Variants in SNTG1 observed in about 807,000 individuals in gnomAD.
SNTG1 encodes gamma-1-syntrophin.
Under a neutral mutation model 74.7 loss-of-function variants are expected in SNTG1, and 39 were observed. The ratio of observed to expected loss-of-function variants is 0.52; its 90% CI spans 0.40 to 0.68. SNTG1 has a LOEUF of 0.68. Among genes scored for constraint, SNTG1 ranks in the 30% least tolerant of loss-of-function variants. The pLI is 0.00. For synonymous variants in SNTG1, 254 were observed against 217.1 expected, an observed-to-expected ratio of 1.17 and a Z score of -1.49; for missense variants, 685 against 609.5, an observed-to-expected ratio of 1.12 and a Z score of -1.30.
intron 12 of SNTG1, among the ~76,000 whole-genome samples, chr8:50,569,357 T>C (rs2094533747): frequency 1.3e-5 from 2 of 152,054 alleles, no homozygotes; most frequent in African/African-American, 4.8e-5. Flanking sequence ...CTACAGGCAT[T>C]TCACCCATCT....
chr8:50,511,781 G>A (rs1009857731), intron 9 of SNTG1, among the ~76,000 whole-genome samples: 4 of 151,654 alleles, frequency 2.6e-5, no homozygotes, highest in East Asian at 1.9e-4. Flanking sequence ...GATCTTCCTC[G>A]ATCCCTTTAT....
chr8:50,410,086 A>G (rs1212103774), intron 4 of SNTG1, among the ~76,000 whole-genome samples: 1 of 152,228 alleles, frequency 6.6e-6, no homozygotes, highest in Non-Finnish European at 1.5e-5. Flanking sequence ...GAGAACTAAT[A>G]TCTACTATTA....
Position 49,934,197 on chromosome 8 carries a change from C to T in SNTG1, c.-103+21966C>T, listed in dbSNP as rs555286346. 2.4e-3 allele frequency among the ~76,000 whole-genome samples: 361 copies of T among 152,036 alleles called. 1 individual carries two copies. Among genetic ancestry groups the T allele is most frequent in the African/African-American group, 8.2e-3 (340 of 41,480 alleles). On this transcript the variant is annotated intron_variant, in intron 1 of 18. Transcript: ENST00000642720. ...AAGGTATACCTTACTTAAATTGATACCTTCCCTGATTACACATACCTTTCC... is the reference window on the plus strand; with the variant it reads ...AAGGTATACCTTACTTAAATTGATATCTTCCCTGATTACACATACCTTTCC...
intron 13 of SNTG1, among the ~76,000 whole-genome samples, chr8:50,609,119 T>A (rs1229719039): frequency 1.3e-5 from 2 of 152,064 alleles, no homozygotes; most frequent in African/African-American, 4.8e-5. Flanking sequence ...TTAATAAAAA[T>A]AAGTAACAGC....
At chr8:49,959,421 T>A (rs1810482049) in intron 1 of SNTG1, among the ~76,000 whole-genome samples, 1 of 152,136 alleles carries the variant, frequency 6.6e-6, no homozygotes, top group Non-Finnish European at 1.5e-5. Context: ...TCCACAGAGG[T>A]GTTGTTAGCA....
At chr8:50,630,952 C>A (rs2094993108) in intron 13 of SNTG1, among the ~76,000 whole-genome samples, 1 of 152,166 alleles carries the variant, frequency 6.6e-6, no homozygotes. Flanking sequence ...ACTAGAGATA[C>A]CTCCAAGATT....
chr8:50,192,622 ATTCC>A (rs937540547), intron 2 of SNTG1, among the ~76,000 whole-genome samples: 129 of 150,364 alleles, frequency 8.6e-4, no homozygotes, highest in African/African-American at 3.0e-3. Flanking sequence ...TTCTGCTGAC[ATTCC>A]TTTTGCTGCA....
intron 8 of SNTG1, among the ~76,000 whole-genome samples, chr8:50,487,280 C>T (rs1375491960): frequency 3.3e-5 from 5 of 152,098 alleles, no homozygotes; most frequent in Non-Finnish European, 5.9e-5. Context: ...GTCAGTGTGG[C>T]GATTCCTTAG....
At chr8:50,638,231 G>A (rs1440644942) in intron 13 of SNTG1, among the ~76,000 whole-genome samples, 1 of 152,012 alleles carries the variant, frequency 6.6e-6, no homozygotes, top group Non-Finnish European at 1.5e-5. Flanking sequence ...CTGATATCTT[G>A]ACTTTAGCTC....
chr8:50,323,763 T>G (rs995733800), intron 2 of SNTG1, among the ~76,000 whole-genome samples: 2 of 152,152 alleles, frequency 1.3e-5, no homozygotes, highest in Non-Finnish European at 2.9e-5. Flanking sequence ...GTACTTAGCC[T>G]TACCCAAAGC....
intron 12 of SNTG1, among the ~76,000 whole-genome samples, chr8:50,583,193 A>G (rs1246309722): frequency 6.6e-6 from 1 of 151,926 alleles, no homozygotes; most frequent in Non-Finnish European, 1.5e-5. Context: ...ACCTGAGGCC[A>G]GGAGTTCGAG....
intron 1 of SNTG1, among the ~76,000 whole-genome samples, chr8:49,953,455 C>T (rs866679284): frequency 5.9e-5 from 9 of 152,190 alleles, no homozygotes; most frequent in African/African-American, 1.7e-4. Flanking sequence ...TACAAGTGCC[C>T]TTACCATACA....
chr8:50,392,265 T>C (rs1031768447), intron 2 of SNTG1, among the ~76,000 whole-genome samples: 1 of 152,220 alleles, frequency 6.6e-6, no homozygotes, highest in Non-Finnish European at 1.5e-5. Context: ...GCTTTGATTG[T>C]GATTTATGAA....
rs116806157 is a variant in SNTG1, at chr8:50,294,813, T to A, written c.-27-99399T>A. Reference sequence around the variant, plus strand: ...GCATCATAATACTCTACTTCTCCTCTACATTTTCTTATCAGTGCCAGCAGG... The same window carrying A: ...GCATCATAATACTCTACTTCTCCTCAACATTTTCTTATCAGTGCCAGCAGG... On this transcript the variant is annotated intron_variant, in intron 2 of 18. Coordinates refer to ENST00000642720, the MANE Select transcript of SNTG1 (RefSeq NM_018967.5). Among the ~76,000 whole-genome samples, 1,288 of 152,330 alleles carry A rather than the reference T, an allele frequency of 8.5e-3. 21 individuals carry two copies. Among genetic ancestry groups the A allele is most frequent in the African/African-American group, 0.029 (1,221 of 41,582 alleles).
At chr8:50,312,265 C>G (rs962553181) in intron 2 of SNTG1, among the ~76,000 whole-genome samples, 2 of 152,026 alleles carry the variant, frequency 1.3e-5, no homozygotes, top group Admixed American at 1.3e-4. Context: ...TTAGTTCCCC[C>G]CATCTATCTT....
At chr8:50,142,904 T>A (rs528241891) in intron 1 of SNTG1, among the ~76,000 whole-genome samples, 48 of 152,120 alleles carry the variant, frequency 3.2e-4, no homozygotes, top group African/African-American at 1.0e-3. Context: ...AAACCCCATC[T>A]TTACTAAAAA....
chr8:50,758,822 C>T (rs1018236604), intron 18 of SNTG1, among the ~76,000 whole-genome samples: 2 of 152,036 alleles, frequency 1.3e-5, no homozygotes, highest in Admixed American at 6.6e-5. Flanking sequence ...GTTTATAACC[C>T]TTTGGGTATA....
intron 4 of SNTG1, among the ~76,000 whole-genome samples, chr8:50,431,990 C>T (rs2093242087): frequency 6.6e-6 from 1 of 152,136 alleles, no homozygotes. Context: ...TTTTTATTCT[C>T]TTAGCAGTAT....
chr8:50,631,452 C>G (rs1013751587), intron 13 of SNTG1, among the ~76,000 whole-genome samples: 7 of 152,142 alleles, frequency 4.6e-5, no homozygotes, highest in Non-Finnish European at 7.4e-5. Context: ...CTTGCCTGAG[C>G]AACATTCTTT....
Sources: allele counts gnomAD v4.1 joint callset (sites outside exome capture counted in the v4.1 genomes callset), GRCh38; gene constraint gnomAD v4.1.1; transcripts MANE v1.5; gene names NCBI Gene and HGNC (gene_info 2026-07-23, HGNC 2026-07-21).